Variants in ASMT observed in about 807,000 individuals in gnomAD.
The protein encoded by ASMT is acetylserotonin O-methyltransferase.
Under a neutral mutation model 41.3 loss-of-function variants are expected in ASMT, and 53 were observed. The observed-to-expected ratio is 1.28, with a 90% CI of 1.03 to 1.61. ASMT has a LOEUF of 1.61. ASMT is among the 40% of genes most tolerant of loss of function. The pLI is 0.00. For missense variants in ASMT, 531 were observed against 441.3 expected (o/e 1.20, Z -1.82); for synonymous variants, 231 against 184.8 (o/e 1.25, Z -2.03).
At chrX:1,626,777 C>T (rs1270165589) in intron 3 of ASMT, among the ~76,000 whole-genome samples, 4 of 152,006 alleles carry the variant, frequency 2.6e-5, no homozygotes, top group African/African-American at 9.7e-5. Flanking sequence ...CCTGTAATCC[C>T]AGCACTTTGA....
In ASMT at chrX:1,641,330, C is replaced by T. The variant is rs867128866; in HGVS notation, c.911-1473C>T. ...TGTGAGGTCCACCCATCCTGATGAT[C>T]CATTAGGATGTGGACACAGCCTCTG... On this transcript the variant is annotated intron_variant, in intron 8 of 8. Transcript: ENST00000381241. Among the ~76,000 whole-genome samples, 28 of 49,852 alleles carry T rather than the reference C, an allele frequency of 5.6e-4. 1 individual carries two copies. The highest frequency in any genetic ancestry group is 8.1e-4 in the Non-Finnish European group (17 of 20,962). 32.7% of individuals were successfully genotyped at this position (49,852 alleles called of 152,430 possible). A position where few individuals can be genotyped will look rare whatever the true frequency, so the allele number is the denominator to read the frequency against.
Position 1,623,326 on chromosome X carries a change from G to T in ASMT, c.244+13G>T, listed in dbSNP as rs1445105597. On this transcript the variant is annotated intron_variant, in intron 2 of 8. Transcript: ENST00000381241. ...AGGGGAGGAAAAGGTGAGGACACGG[G>T]CGTTTTGAAGGAGGCATTTTACATA... 6.2e-7 allele frequency: 1 copy of T among 1,613,804 alleles called. No individual in the cohort carries two copies. Among genetic ancestry groups the T allele is most frequent in the Non-Finnish European group, 8.5e-7 (1 of 1,179,870 alleles).
At chrX:1,636,652 C>T in intron 8 of ASMT, 92 bp downstream of exon 8, 1 of 1,599,936 alleles carries the variant, frequency 6.3e-7, no homozygotes, top group Non-Finnish European at 8.6e-7. Context: ...GAAATCATCC[C>T]ACAGGTAAGG....
chrX:1,625,160 A>C (rs1183945596), intron 3 of ASMT, among the ~76,000 whole-genome samples: 44 of 145,838 alleles, frequency 3.0e-4, no homozygotes, highest in Non-Finnish European at 5.6e-4. Flanking sequence ...GGTGGAGCGC[A>C]GTGGCGCCAT....
Position 1,623,247 on chromosome X carries a change from A to T in ASMT, c.178A>T (p.Thr60Ser). The change falls in exon 2 of 9, where the codon ACA (threonine) becomes TCA (serine). Residue 60 changes from threonine (T) to serine (S), a missense_variant. Transcript: ENST00000381241. ...AAGVRASAHG[T>S]ELLLDICVSL... ...AGGTGTGAGGGCCAGCGCCCATGGG[A>T]CAGAGCTCCTGCTGGACATCTGTGT... is the stretch of plus-strand genomic sequence containing the variant. 6.2e-7 allele frequency: 1 copy of T among 1,613,812 alleles called. No homozygotes were observed. The highest frequency in any genetic ancestry group is 8.5e-7 in the Non-Finnish European group (1 of 1,179,860).
At chrX:1,627,915 C>T in intron 4 of ASMT, 144 bp downstream of exon 4, 1 of 811,434 alleles carries the variant, frequency 1.2e-6, no homozygotes, top group Non-Finnish European at 2.1e-6. Flanking sequence ...CCTATCCCCA[C>T]TACTACCCCA....
At chrX:1,642,715 G>T (rs369331808) in intron 8 of ASMT, 88 bp from the exon 9 acceptor site, 17 of 1,243,998 alleles carry the variant, frequency 1.4e-5, no homozygotes, top group African/African-American at 7.4e-5. Flanking sequence ...GTCCTCTGAG[G>T]TCTGGCTGTC....
In ASMT at chrX:1,615,398, C is replaced by T. The variant is rs757040414; in HGVS notation, c.69+130C>T. On this transcript the variant is annotated intron_variant, in intron 1 of 8. Transcript: ENST00000381241. ...GAGGTTTATTTTCCACCGTGAAAGACGTACACCCACGATGTAGCCTCAGGA... is the reference window on the plus strand; with the variant it reads ...GAGGTTTATTTTCCACCGTGAAAGATGTACACCCACGATGTAGCCTCAGGA... The T allele has an allele frequency of 2.9e-4, 276 of 937,102 alleles. 4 individuals are homozygous for T. Among genetic ancestry groups the T allele is most frequent in the South Asian group, 2.3e-3 (162 of 71,800 alleles). The allele number at this position is 937,102 out of a possible 1,614,324, so 58.0% of individuals were successfully genotyped here.
At chrX:1,619,606 G>GAA (rs777099089) in intron 1 of ASMT, among the ~76,000 whole-genome samples, 2 of 135,624 alleles carry the variant, frequency 1.5e-5, no homozygotes, top group African/African-American at 5.5e-5. Flanking sequence ...TTTGGGAGCA[G>GAA]AAAAAAAAAA....
rs763450580 is a variant in ASMT, at chrX:1,637,238, CTG to C, written c.910+687_910+688del. Among the ~76,000 whole-genome samples, 32 of 11,696 alleles carry C rather than the reference CTG, an allele frequency of 2.7e-3. 9 individuals carry two copies. The highest frequency in any genetic ancestry group is 0.017 in the African/African-American group (24 of 1,448). The allele number at this position is 11,696 out of a possible 152,430, so 7.7% of individuals were successfully genotyped here. A position where few individuals can be genotyped will look rare whatever the true frequency, so the allele number is the denominator to read the frequency against. ...GCACATGAGGATGTGGACACAGCCT[CTG>C]TGTGTGTGATGGGGACAGTGTCCCA... On this transcript the variant is annotated intron_variant, in intron 8 of 8. Transcript: ENST00000381241.
intron 3 of ASMT, 96 bp from the exon 4 acceptor site, chrX:1,627,607 C>CTGAAA: frequency 7.8e-7 from 1 of 1,289,246 alleles, no homozygotes; most frequent in Non-Finnish European, 1.1e-6. Context: ...GGCTACAGAG[C>CTGAAA]TGAAATGAAA....
intron 1 of ASMT, among the ~76,000 whole-genome samples, chrX:1,616,745 G>C (rs1356035179): frequency 6.7e-6 from 1 of 150,248 alleles, no homozygotes; most frequent in East Asian, 2.0e-4. Flanking sequence ...GTCTCGCTCT[G>C]TCGCCCAGGC....
Position 1,630,202 on chromosome X carries a change from C to T in ASMT, c.562+263C>T, listed in dbSNP as rs778973461. The stretch of plus-strand genomic sequence containing the variant: ...AGGCTGCAGTGCAGTGGCATGATCT[C>T]GGCTCACTGCAACCTTTGCCTCCTG... On this transcript the variant is annotated intron_variant, in intron 5 of 8. Transcript: ENST00000381241. Among the ~76,000 whole-genome samples the T allele has an allele frequency of 3.9e-5, 6 of 152,016 alleles. No individual in the cohort carries two copies. In the South Asian group the frequency reaches 8.3e-4, roughly 21 times the overall value.
intron 4 of ASMT, 117 bp from the exon 5 acceptor site, chrX:1,629,704 C>T (rs1437606667): frequency 3.2e-6 from 3 of 942,858 alleles, no homozygotes; most frequent in South Asian, 2.6e-5. Flanking sequence ...CAAATGCAAG[C>T]CTTCCAGGTG....
chrX:1,642,771 G>C, intron 8 of ASMT, 32 bp from the exon 9 acceptor site: 1 of 1,591,604 alleles, frequency 6.3e-7, no homozygotes, highest in Non-Finnish European at 8.6e-7. Flanking sequence ...GTGTGTTTGT[G>C]TGTGATGTGG....
intron 1 of ASMT, among the ~76,000 whole-genome samples, chrX:1,616,852 GCACC>G (rs1569368619): frequency 6.6e-6 from 1 of 151,544 alleles, no homozygotes; most frequent in Non-Finnish European, 1.5e-5. Context: ...GGGATTACAG[GCACC>G]CGCCACCACG....
At chrX:1,621,529 GTTAGCCC>G (rs1255069489) in intron 1 of ASMT, among the ~76,000 whole-genome samples, 1 of 151,990 alleles carries the variant, frequency 6.6e-6, no homozygotes, top group Non-Finnish European at 1.5e-5. Flanking sequence ...TGTTGGCCAG[GTTAGCCC>G]TGAACTCCTG....
chrX:1,623,135 C>G lies in ASMT; in HGVS notation c.70-4C>G. Reference sequence around the variant, plus strand: ...TGACCTTTTATTTCCGCTCCTGCTCCAAGGTTCTCTTCGCCGCCTGCGAGC... The same window carrying G: ...TGACCTTTTATTTCCGCTCCTGCTCGAAGGTTCTCTTCGCCGCCTGCGAGC... On this transcript the variant is annotated splice_region_variant and splice_polypyrimidine_tract_variant and intron_variant, in intron 1 of 8. Transcript: ENST00000381241. 1 of 1,612,374 alleles carries G rather than the reference C, an allele frequency of 6.2e-7. No individual in the cohort carries two copies. Among genetic ancestry groups the G allele is most frequent in the Non-Finnish European group, 8.5e-7 (1 of 1,179,822 alleles).
chrX:1,630,388 C>G (rs778532397), intron 5 of ASMT, among the ~76,000 whole-genome samples: 15 of 148,964 alleles, frequency 1.0e-4, no homozygotes, highest in Non-Finnish European at 2.2e-4. Context: ...TCACCGCAAC[C>G]TCCGCCTCCT....
Sources: allele counts gnomAD v4.1 joint callset (sites outside exome capture counted in the v4.1 genomes callset), GRCh38; gene constraint gnomAD v4.1.1; transcripts MANE v1.5; gene names NCBI Gene and HGNC (gene_info 2026-07-23, HGNC 2026-07-21).